The following DRC11 variants were observed in gnomAD, a reference collection of about 807,000 sequenced individuals.
The protein encoded by DRC11 is IQ and AAA domain-containing protein 1.
At chr2:236,368,280 G>A in the DRC11 span, 3 of 1,601,772 alleles carry the variant, frequency 1.9e-6, no homozygotes, top group South Asian at 3.4e-5. Flanking sequence ...GCGAAGAGTA[G>A]TCCCCAGGTA....
the DRC11 span, among the ~76,000 whole-genome samples, chr2:236,336,347 C>T: frequency 1.8e-4 from 28 of 152,232 alleles, no homozygotes; most frequent in Non-Finnish European, 1.3e-4. This position sits in a 1 kb window ranked among gnomAD's most constrained non-coding sequence, Gnocchi z 7.3. Flanking sequence ...GCGGTGCTCA[C>T]GTGATTGGAG....
At chr2:236,440,996 G>T in the DRC11 span, 1 of 1,173,298 alleles carries the variant, frequency 8.5e-7, no homozygotes, top group Admixed American at 2.1e-5. Context: ...TTAAAGAAAT[G>T]TCATTTGATA....
the DRC11 span, chr2:236,377,014 T>C: frequency 1.1e-6 from 1 of 934,482 alleles, no homozygotes; most frequent in South Asian, 1.5e-5. The surrounding 1 kb of genome is among the most constrained non-coding windows in gnomAD (Gnocchi z 4.9). Flanking sequence ...TGAACAAAAA[T>C]GTAAATAAAA....
chr2:236,390,851 G>C, the DRC11 span, among the ~76,000 whole-genome samples: 1 of 152,196 alleles, frequency 6.6e-6, no homozygotes, highest in Non-Finnish European at 1.5e-5. This position sits in a 1 kb window ranked among gnomAD's most constrained non-coding sequence, Gnocchi z 5.9. Flanking sequence ...ATGGTACTGG[G>C]TTTCACTGGC....
chr2:236,414,058 C>G, the DRC11 span, among the ~76,000 whole-genome samples: 1 of 152,316 alleles, frequency 6.6e-6, no homozygotes, highest in South Asian at 2.1e-4. Flanking sequence ...CACAACAATT[C>G]TGGATTTAAA....
the DRC11 span, among the ~76,000 whole-genome samples, chr2:236,425,632 A>C: frequency 6.6e-6 from 1 of 151,844 alleles, no homozygotes; most frequent in Non-Finnish European, 1.5e-5. Flanking sequence ...GAAGTTTTTT[A>C]GTTTGGTGCA....
At chr2:236,417,282 G>A in the DRC11 span, among the ~76,000 whole-genome samples, 25 of 152,114 alleles carry the variant, frequency 1.6e-4, no homozygotes, top group Non-Finnish European at 2.9e-4. Context: ...CAAGTAGCTC[G>A]TCTTGCTTGA....
the DRC11 span, among the ~76,000 whole-genome samples, chr2:236,470,136 T>C: frequency 2.0e-5 from 3 of 152,222 alleles, no homozygotes; most frequent in Non-Finnish European, 2.9e-5. The surrounding 1 kb of genome is among the most constrained non-coding windows in gnomAD (Gnocchi z 5.1). Flanking sequence ...GCTTATCTAA[T>C]GTTTGATGGG....
the DRC11 span, among the ~76,000 whole-genome samples, chr2:236,477,117 G>C: frequency 6.6e-6 from 1 of 152,076 alleles, no homozygotes. Flanking sequence ...CTTATAGAAT[G>C]AGTTTGAAAG....
At chr2:236,459,362 C>T in the DRC11 span, among the ~76,000 whole-genome samples, 1 of 151,498 alleles carries the variant, frequency 6.6e-6, no homozygotes, top group East Asian at 2.0e-4. Context: ...TCCATGCAAT[C>T]GAAAGTGAGG....
chr2:236,357,056 A>ATATATTCATATATTATATATCTATATAT, the DRC11 span, among the ~76,000 whole-genome samples: 40 of 69,154 alleles, frequency 5.8e-4, no homozygotes, highest in African/African-American at 3.0e-3. Context: ...TTATATATCT[A>ATATATTCATATATTATATATCTATATAT]TTTATATATT....
the DRC11 span, among the ~76,000 whole-genome samples, chr2:236,350,279 C>T: frequency 1.2e-3 from 187 of 152,286 alleles, no homozygotes; most frequent in African/African-American, 4.2e-3. This position sits in a 1 kb window ranked among gnomAD's most constrained non-coding sequence, Gnocchi z 5.2. Context: ...TTCCATGCTT[C>T]CTGAATTTTT....
At chr2:236,372,159 A>C in the DRC11 span, among the ~76,000 whole-genome samples, 9 of 152,164 alleles carry the variant, frequency 5.9e-5, no homozygotes, top group Non-Finnish European at 1.3e-4. The surrounding 1 kb of genome is among the most constrained non-coding windows in gnomAD (Gnocchi z 4.5). Context: ...TTTTATTATT[A>C]TTTTTGCAGA....
chr2:236,444,419 T>C, the DRC11 span, among the ~76,000 whole-genome samples: 1 of 152,236 alleles, frequency 6.6e-6, no homozygotes, highest in Non-Finnish European at 1.5e-5. Flanking sequence ...AAAGCAAAAA[T>C]AGCACGCAAT....
chr2:236,313,743 C>T, the DRC11 span, among the ~76,000 whole-genome samples: 9 of 152,144 alleles, frequency 5.9e-5, no homozygotes, highest in Admixed American at 5.2e-4. The surrounding 1 kb of genome is among the most constrained non-coding windows in gnomAD (Gnocchi z 4.5). Flanking sequence ...AGCCGTGAAC[C>T]TTTAATACAT....
the DRC11 span, among the ~76,000 whole-genome samples, chr2:236,348,385 G>A: frequency 6.6e-6 from 1 of 152,212 alleles, no homozygotes; most frequent in African/African-American, 2.4e-5. This position sits in a 1 kb window ranked among gnomAD's most constrained non-coding sequence, Gnocchi z 7.4. Context: ...TGCTAGAGCA[G>A]CAAGGGCAGG....
At chr2:236,378,674 C>CAAA in the DRC11 span, among the ~76,000 whole-genome samples, 1 of 59,144 alleles carries the variant, frequency 1.7e-5, no homozygotes, top group Non-Finnish European at 3.7e-5. Context: ...GACTCCGTCT[C>CAAA]AAAAAAAAAA....
chr2:236,465,618 T>C, the DRC11 span: 54 of 1,613,914 alleles, frequency 3.3e-5, 1 homozygote, highest in African/African-American at 4.7e-4. The surrounding 1 kb of genome is among the most constrained non-coding windows in gnomAD (Gnocchi z 6.2). Context: ...TGTAGTCCTC[T>C]TCATGCTTTA....
the DRC11 span, among the ~76,000 whole-genome samples, chr2:236,326,791 G>GT: frequency 7.8e-6 from 1 of 127,736 alleles, no homozygotes; most frequent in African/African-American, 3.1e-5. Flanking sequence ...TTTCAGATTT[G>GT]TTGTGTGTGT....
Sources: gnomAD v4.1 joint callset for allele counts (sites outside exome capture counted in the v4.1 genomes callset) on GRCh38, gnomAD v4.1.1 for gene constraint, Gnocchi (gnomAD v3.1) non-coding constraint, MANE v1.5 for transcripts, NCBI Gene and HGNC (gene_info 2026-07-23, HGNC 2026-07-21) for gene names.